The following TMPRSS7 variants were observed in gnomAD, a reference collection of about 807,000 sequenced individuals.
TMPRSS7 encodes the protein transmembrane serine protease 7, also known as transmembrane protease serine 7.
In TMPRSS7, 81 loss-of-function variants were observed where a neutral mutation model predicts 95.6. The ratio of observed to expected loss-of-function variants is 0.85; its 90% CI spans 0.71 to 1.02. The LOEUF is 1.02. Ranked by LOEUF, TMPRSS7 falls within the 50% of genes least tolerant of loss-of-function variation. TMPRSS7 has a pLI of 0.00. For synonymous variants in TMPRSS7, 364 were observed against 337.8 expected, an observed-to-expected ratio of 1.08 and a Z score of -0.85; for missense variants, 945 against 955.2, an observed-to-expected ratio of 0.99 and a Z score of 0.14.
At chr3:112,038,099 A>T (rs1337293772) in exon 2 of TMPRSS7, 1 of 702,732 alleles carries the variant, frequency 1.4e-6, no homozygotes, top group East Asian at 2.7e-5. Flanking sequence ...CCAAGTGGTC[A>T]GTGCCCAAAA....
chr3:112,040,516 T>C (rs183870926), intron 2 of TMPRSS7, among the ~76,000 whole-genome samples: 1 of 152,244 alleles, frequency 6.6e-6, no homozygotes, highest in Admixed American at 6.5e-5. Context: ...GTGAGCAAGA[T>C]AAGATCTCTG....
intron 9 of TMPRSS7, among the ~76,000 whole-genome samples, chr3:112,051,211 T>C (rs1576104603): frequency 6.6e-6 from 1 of 152,020 alleles, no homozygotes; most frequent in East Asian, 1.9e-4. Context: ...TCAAAACATT[T>C]TACAAACAGA....
intron 13 of TMPRSS7, among the ~76,000 whole-genome samples, chr3:112,072,211 C>T (rs2073656993): frequency 6.6e-6 from 1 of 152,220 alleles, no homozygotes; most frequent in Non-Finnish European, 1.5e-5. Context: ...GGTCCCTCAG[C>T]TGCAGGTCTG....
chr3:112,055,814 A>T (rs1432817854), intron 9 of TMPRSS7, among the ~76,000 whole-genome samples: 2 of 152,202 alleles, frequency 1.3e-5, no homozygotes, highest in African/African-American at 4.8e-5. Flanking sequence ...GATCCACAAG[A>T]TGTGATTACG....
chr3:112,046,404 A>T (rs1438732680), intron 5 of TMPRSS7, among the ~76,000 whole-genome samples: 2 of 152,250 alleles, frequency 1.3e-5, no homozygotes. Flanking sequence ...AAATGGTTTA[A>T]TGATTGCATA....
In TMPRSS7 at chr3:112,078,871, C is replaced by G. The variant is rs892443137; in HGVS notation, c.2354C>G (p.Ala785Gly). 2.5e-6 allele frequency: 4 copies of G among 1,613,660 alleles called. No homozygotes were observed. Among genetic ancestry groups the G allele is most frequent in the South Asian group, 1.1e-5 (1 of 91,072 alleles). ...GGCATAATGTCAGGCAAGAGAGATGCCTGCAAAGTAAGTCATTGTACCTTT... is the reference window on the plus strand; with the variant it reads ...GGCATAATGTCAGGCAAGAGAGATGGCTGCAAAGTAAGTCATTGTACCTTT... The change falls in exon 17 of 18, where the codon GCC becomes GGC. Residue 785 changes from alanine (A) to glycine (G), a missense_variant. Transcript: ENST00000452346.
chr3:112,075,005 A>G (rs2073694472), intron 14 of TMPRSS7, among the ~76,000 whole-genome samples: 1 of 152,210 alleles, frequency 6.6e-6, no homozygotes. Flanking sequence ...GAAATTCTCA[A>G]TTCATTTACA....
intron 9 of TMPRSS7, among the ~76,000 whole-genome samples, chr3:112,053,734 C>G (rs2073394448): frequency 6.6e-6 from 1 of 152,184 alleles, no homozygotes; most frequent in Non-Finnish European, 1.5e-5. Flanking sequence ...AGGGATCACT[C>G]AAACAGAAAG....
At position 112,036,762 on chromosome 3, in the gene TMPRSS7, C is replaced by T. The variant is rs145642216; in HGVS notation, c.49-1310C>T. The stretch of plus-strand genomic sequence containing the variant: ...CCTAGAAACTGTTGCGGGAAGTCAG[C>T]GACCCTGAATGGAGGGAATTGCTGA... On this transcript the variant is annotated intron_variant, in intron 1 of 17. Coordinates refer to ENST00000452346, the Ensembl canonical transcript of TMPRSS7. Among the ~76,000 whole-genome samples, 21 of 152,250 alleles carry T rather than the reference C, an allele frequency of 1.4e-4. No homozygotes were observed. The East Asian group carries it at 2.7e-3, about 20-fold the overall frequency.
At chr3:112,043,047 A>G (rs1358038235) in intron 3 of TMPRSS7, 1 of 456,074 alleles carries the variant, frequency 2.2e-6, no homozygotes, top group Non-Finnish European at 4.4e-6. Flanking sequence ...TACTTATTGA[A>G]TGCCTGCTAT....
At chr3:112,065,217 T>G (rs1180782279) in intron 12 of TMPRSS7, among the ~76,000 whole-genome samples, 1 of 152,040 alleles carries the variant, frequency 6.6e-6, no homozygotes, top group Admixed American at 6.6e-5. Context: ...CTCTTTTTTG[T>G]TTTTCATACA....
intron 4 of TMPRSS7, among the ~76,000 whole-genome samples, chr3:112,044,846 T>A (rs970771919): frequency 1.7e-4 from 26 of 151,830 alleles, no homozygotes; most frequent in African/African-American, 5.8e-4. Flanking sequence ...AGCAACTTGA[T>A]TAGTTTCCTT....
rs778746673 is a variant in TMPRSS7 at position 112,080,873 on chromosome 3, G to C, written c.2362-41G>C. On this transcript the variant is annotated intron_variant, in intron 17 of 17. Transcript: ENST00000452346. ...CAATAAAGATGAAACTGATGATCAT[G>C]GGACCAATTTACTTTATACTTACAT... is the stretch of plus-strand genomic sequence containing the variant. The C allele has an allele frequency of 1.9e-6, 3 of 1,568,836 alleles. No individual in the cohort carries two copies. In the Admixed American group the frequency reaches 5.4e-5, roughly 28 times the overall value.
At chr3:112,070,794 A>G (rs2073636678) in intron 13 of TMPRSS7, among the ~76,000 whole-genome samples, 1 of 152,062 alleles carries the variant, frequency 6.6e-6, no homozygotes, top group Non-Finnish European at 1.5e-5. Flanking sequence ...TATTATTATT[A>G]TACTTTAAGT....
At chr3:112,038,651 T>A (rs2073175111) in intron 2 of TMPRSS7, among the ~76,000 whole-genome samples, 3 of 151,884 alleles carry the variant, frequency 2.0e-5, no homozygotes, top group Non-Finnish European at 4.4e-5. Context: ...GGCTAACTTT[T>A]AAAGTTTGTT....
intron 11 of TMPRSS7, 67 bp downstream of exon 11, chr3:112,061,990 A>ATGAGGAT: frequency 7.8e-7 from 1 of 1,289,014 alleles, no homozygotes. Flanking sequence ...TTATAATTCC[A>ATGAGGAT]AACCGTGAGA....
intron 13 of TMPRSS7, among the ~76,000 whole-genome samples, chr3:112,067,805 C>T (rs1576117869): frequency 6.6e-6 from 1 of 152,156 alleles, no homozygotes; most frequent in South Asian, 2.1e-4. Context: ...ATGGTAGTTT[C>T]TTTTGCCATG....
At chr3:112,034,738 C>G, upstream of TMPRSS7, 1 of 665,890 alleles carries the variant, frequency 1.5e-6, no homozygotes, top group Non-Finnish European at 2.7e-6. Flanking sequence ...CCTCTGAAAG[C>G]TAGCTTGAAT....
At chr3:112,036,303 T>C (rs1264877340) in intron 1 of TMPRSS7, among the ~76,000 whole-genome samples, 2 of 152,194 alleles carry the variant, frequency 1.3e-5, no homozygotes, top group African/African-American at 4.8e-5. Flanking sequence ...GCATAGTGGC[T>C]CACACCTGGA....
Sources: gnomAD v4.1 joint callset for allele counts (sites outside exome capture counted in the v4.1 genomes callset) on GRCh38, gnomAD v4.1.1 for gene constraint, MANE v1.5 for transcripts, NCBI Gene and HGNC (gene_info 2026-07-23, HGNC 2026-07-21) for gene names.